Variants in PAPPA2 observed in about 807,000 individuals in gnomAD.
The protein encoded by PAPPA2 is pappalysin 2.
In PAPPA2, 86 loss-of-function variants were observed where a neutral mutation model predicts 176.4. That is an observed-to-expected ratio of 0.49 (90% CI 0.41 to 0.58). The LOEUF (loss-of-function observed/expected upper bound fraction) is 0.58. Ranked by LOEUF, PAPPA2 falls within the 20% of genes least tolerant of loss-of-function variation. The probability of loss-of-function intolerance (pLI) is 0.00; values close to 1 mark genes in which losing one functional copy is unlikely to be tolerated. For synonymous variants in PAPPA2, 809 were observed against 852.2 expected, an observed-to-expected ratio of 0.95 and a Z score of 0.88; for missense variants, 2,073 against 2,256.9, an observed-to-expected ratio of 0.92 and a Z score of 1.65.
intron 1 of PAPPA2, among the ~76,000 whole-genome samples, chr1:176,497,250 T>G (rs376093969): frequency 3.5e-4 from 53 of 152,322 alleles, no homozygotes; most frequent in African/African-American, 1.3e-3. Flanking sequence ...AGAGGCAATC[T>G]GTAGACCTTC....
At chr1:176,819,638 T>C (rs17312648) in intron 21 of PAPPA2, among the ~76,000 whole-genome samples, 21,560 of 152,254 alleles carry the variant, frequency 0.14, 1,691 homozygotes, top group Middle Eastern at 0.24. Context: ...ATTATCATCA[T>C]TGTCATCCCC....
intron 3 of PAPPA2, among the ~76,000 whole-genome samples, chr1:176,657,227 G>A (rs1019575007): frequency 6.6e-6 from 1 of 151,958 alleles, no homozygotes; most frequent in Non-Finnish European, 1.5e-5. Flanking sequence ...TCTGTCAGAT[G>A]AAAAGAAGTT....
intron 22 of PAPPA2, among the ~76,000 whole-genome samples, chr1:176,841,143 C>G (rs190133509): frequency 1.5e-4 from 23 of 152,244 alleles, no homozygotes; most frequent in Admixed American, 7.2e-4. Context: ...GTCTTTTGCT[C>G]TAAAAACCAA....
chr1:176,554,674 C>A (rs1651162099), intron 1 of PAPPA2, among the ~76,000 whole-genome samples: 1 of 152,126 alleles, frequency 6.6e-6, no homozygotes, highest in Admixed American at 6.5e-5. Flanking sequence ...GCTCACTCAG[C>A]ATATGGTGAC....
chr1:176,659,723 T>G (rs1267655464), intron 3 of PAPPA2, among the ~76,000 whole-genome samples: 1 of 152,122 alleles, frequency 6.6e-6, no homozygotes, highest in East Asian at 1.9e-4. Flanking sequence ...TTGTAACAAT[T>G]TATAATTTGA....
At chr1:176,705,179 C>A (rs1340449913) in intron 9 of PAPPA2, among the ~76,000 whole-genome samples, 1 of 152,106 alleles carries the variant, frequency 6.6e-6, no homozygotes, top group African/African-American at 2.4e-5. Context: ...ATTAGGTCCC[C>A]AGTACAGTCT....
At chr1:176,673,448 A>G (rs1659118744) in intron 4 of PAPPA2, among the ~76,000 whole-genome samples, 1 of 152,176 alleles carries the variant, frequency 6.6e-6, no homozygotes, top group African/African-American at 2.4e-5. Flanking sequence ...ATCACCAAGA[A>G]TAACCTTTCT....
At position 176,595,159 on chromosome 1, in the gene PAPPA2, C is replaced by A; in HGVS notation, c.1555C>A (p.Leu519Ile). The A allele has an allele frequency of 6.2e-7, 1 of 1,614,198 alleles. No homozygotes were observed. Among genetic ancestry groups the A allele is most frequent in the Non-Finnish European group, 8.5e-7 (1 of 1,180,036 alleles). Residue 519 changes from leucine (L) to isoleucine (I), a missense_variant, in exon 3 of 23, where the codon CTT becomes ATT. Physicochemically the swap from Leu to Ile is conservative, Grantham distance 5. Transcript: ENST00000367662. ...CTCCCAGTACAATGGATACTGGCCC[C>A]TTCGGGGAGAGAAGGTGATACGCTA... ...LISQYNGYWP[L>I]RGEKVIRYQV...
At position 176,557,158 on chromosome 1, in the gene PAPPA2, T is replaced by C. The variant is rs1287331242; in HGVS notation, c.836T>C (p.Leu279Pro). ...RERLLLRPEV[L>P]AEIPREAFTV... ...CGGCTGCTGCTGCGTCCAGAAGTGCTGGCTGAGATTCCCCGGGAGGCGTTC... is the reference window on the plus strand; with the variant it reads ...CGGCTGCTGCTGCGTCCAGAAGTGCCGGCTGAGATTCCCCGGGAGGCGTTC... Residue 279 changes from leucine (L) to proline (P), a missense_variant, in exon 2 of 23, where the codon CTG (leucine) becomes CCG (proline). Physicochemically the swap from Leu to Pro is moderately conservative, Grantham distance 98. Around this residue, in one of 4 missense-constraint regions of PAPPA2, gnomAD observed 1,196 missense variants for 1,330.4 expected, o/e 0.90. Transcript: ENST00000367662. The C allele has an allele frequency of 1.9e-6, 3 of 1,613,842 alleles. No individual in the cohort carries two copies. In the South Asian group the frequency reaches 3.3e-5, roughly 18 times the overall value.
chr1:176,832,026 A>C (rs1667098833), intron 21 of PAPPA2, among the ~76,000 whole-genome samples: 1 of 152,168 alleles, frequency 6.6e-6, no homozygotes, highest in Admixed American at 6.5e-5. Flanking sequence ...GTTTTGACTA[A>C]AGTGTTGGTG....
At chr1:176,495,769 T>C (rs997617581) in intron 1 of PAPPA2, among the ~76,000 whole-genome samples, 13 of 151,376 alleles carry the variant, frequency 8.6e-5, no homozygotes, top group South Asian at 4.2e-4. Context: ...TCTTACCAGT[T>C]AGAAAAAAAT....
chr1:176,795,477 T>C lies in PAPPA2; in HGVS notation c.5130+1808T>C, dbSNP rs181727769. Among the ~76,000 whole-genome samples the C allele has an allele frequency of 5.8e-4, 88 of 152,344 alleles. 1 individual carries two copies. The highest frequency in any genetic ancestry group is 1.4e-3 in the Admixed American group (22 of 15,308). On this transcript the variant is annotated intron_variant, in intron 20 of 22. Transcript: ENST00000367662. Reference sequence around the variant, plus strand: ...TTTATGATTATCCTTAATCATGATGTCAAGAGAGTGTTTTACTGTATCTCA... The same window carrying C: ...TTTATGATTATCCTTAATCATGATGCCAAGAGAGTGTTTTACTGTATCTCA...
intron 14 of PAPPA2, among the ~76,000 whole-genome samples, chr1:176,750,257 C>T (rs1663105888): frequency 6.6e-6 from 1 of 152,002 alleles, no homozygotes; most frequent in Admixed American, 6.6e-5. Context: ...TAATTTTTGA[C>T]CTCCCAAAAA....
intron 3 of PAPPA2, among the ~76,000 whole-genome samples, chr1:176,610,818 CTATT>C (rs1359566728): frequency 6.6e-6 from 1 of 152,122 alleles, no homozygotes; most frequent in Admixed American, 6.5e-5. Flanking sequence ...GCATCTCATT[CTATT>C]TATTTATTCA....
chr1:176,708,313 A>G lies in PAPPA2; in HGVS notation c.3458-1670A>G, dbSNP rs889342990. Among the ~76,000 whole-genome samples the G allele has an allele frequency of 3.9e-5, 6 of 152,294 alleles. No homozygotes were observed. The South Asian group carries it at 8.3e-4, about 21-fold the overall frequency. ...ACAGTAGACATTTTTTCAGTGAATC[A>G]TAAGTTCATCATATGCTAAGCACAT... On this transcript the variant is annotated intron_variant, in intron 10 of 22. Coordinates refer to ENST00000367662, the MANE Select transcript of PAPPA2 (RefSeq NM_020318.3).
At chr1:176,771,512 C>T (rs1339698627) in intron 17 of PAPPA2, among the ~76,000 whole-genome samples, 1 of 152,214 alleles carries the variant, frequency 6.6e-6, no homozygotes, top group East Asian at 1.9e-4. Flanking sequence ...GCCTGGTCCC[C>T]AGTGCAGACA....
Position 176,840,278 on chromosome 1 carries a change from G to A in PAPPA2, c.5301+7G>A. The A allele has an allele frequency of 6.2e-7, 1 of 1,604,990 alleles. No homozygotes were observed. Among genetic ancestry groups the A allele is most frequent in the African/African-American group, 1.3e-5 (1 of 74,860 alleles). ...CACACTCTCCTCCAAGAAGGTGAGT[G>A]AGAGAACCTGGGGATGGGGGAGGCA... On this transcript the variant is annotated splice_region_variant and intron_variant, in intron 22 of 22. Coordinates refer to ENST00000367662, the MANE Select transcript of PAPPA2 (RefSeq NM_020318.3).
chr1:176,609,205 C>T (rs771766142), intron 3 of PAPPA2, among the ~76,000 whole-genome samples: 5 of 152,148 alleles, frequency 3.3e-5, no homozygotes, highest in African/African-American at 7.2e-5. Flanking sequence ...TTTGCTCCAG[C>T]GTAGTCACAT....
intron 1 of PAPPA2, among the ~76,000 whole-genome samples, chr1:176,495,713 A>C (rs1300049995): frequency 2.4e-4 from 37 of 152,168 alleles, no homozygotes. Context: ...TTAGTCAAAT[A>C]ATATTTATTG....
Sources: gnomAD v4.1 joint callset for allele counts (sites outside exome capture counted in the v4.1 genomes callset) on GRCh38, gnomAD v4.1.1 for gene constraint, gnomAD v4.1.1 regional missense constraint, MANE v1.5 for transcripts, NCBI Gene and HGNC (gene_info 2026-07-23, HGNC 2026-07-21) for gene names.